The following EPB41L1 variants were observed in gnomAD, a reference collection of about 807,000 sequenced individuals.
The protein encoded by EPB41L1 is erythrocyte membrane protein band 4.1 like 1, also known as band 4.1-like protein 1.
Under a neutral mutation model 97.8 loss-of-function variants are expected in EPB41L1, and 29 were observed. The ratio of observed to expected loss-of-function variants is 0.30; its 90% confidence interval spans 0.22 to 0.40. The LOEUF is 0.40. Ranked by LOEUF, EPB41L1 falls within the 10% of genes least tolerant of loss-of-function variation. The pLI is 1.00. For synonymous variants in EPB41L1, 383 were observed against 459.2 expected (o/e 0.83, Z 2.12); for missense variants, 812 against 1,162.3 (o/e 0.70, Z 4.38).
chr20:36,227,719 C>A (rs1288049743), intron 21 of EPB41L1, among the ~76,000 whole-genome samples: 1 of 152,228 alleles, frequency 6.6e-6, no homozygotes, highest in East Asian at 1.9e-4. Flanking sequence ...CCAGAAACAT[C>A]TGTCCCTGCT....
intron 2 of EPB41L1, among the ~76,000 whole-genome samples, chr20:36,135,314 A>G (rs920147770): frequency 6.6e-6 from 1 of 152,228 alleles, no homozygotes; most frequent in African/African-American, 2.4e-5. Context: ...TTTCCTTCAG[A>G]TCACACAATC....
chr20:36,104,480 C>T (rs1259690427), intron 1 of EPB41L1, among the ~76,000 whole-genome samples: 1 of 152,008 alleles, frequency 6.6e-6, no homozygotes, highest in African/African-American at 2.4e-5. Context: ...CTCATGATGC[C>T]GCCATTGAGA....
At chr20:36,165,745 A>T (rs968941853) in intron 1 of EPB41L1, among the ~76,000 whole-genome samples, 1 of 152,184 alleles carries the variant, frequency 6.6e-6, no homozygotes, top group African/African-American at 2.4e-5. Context: ...AGCTGATCAG[A>T]TCGGAAGTGG....
chr20:36,198,174 A>AGG (rs765485406), intron 14 of EPB41L1, 133 bp downstream of exon 14: 266 of 842,276 alleles, frequency 3.2e-4, no homozygotes, highest in Non-Finnish European at 4.5e-4. Context: ...GGGGATGGAG[A>AGG]GGGTGGTAGA....
chr20:36,207,343 C>T lies in EPB41L1; in HGVS notation c.1669-2145C>T, dbSNP rs894095349. On this transcript the variant is annotated intron_variant, in intron 14 of 21. Coordinates refer to ENST00000338074, the MANE Select transcript of EPB41L1 (RefSeq NM_012156.2). The surrounding 1 kb of genome is among the most constrained non-coding windows in gnomAD (Gnocchi z 4.9). Reference sequence around the variant, plus strand: ...CCCTGAAGAAGCTGAGGGGCGCATACCTCTGGGGTTTGGGTTCCCTTCAGG... The same window carrying T: ...CCCTGAAGAAGCTGAGGGGCGCATATCTCTGGGGTTTGGGTTCCCTTCAGG... 10 of 1,288,178 alleles carry T rather than the reference C, an allele frequency of 7.8e-6. No individual in the cohort carries two copies. The highest frequency in any genetic ancestry group is 7.6e-5 in the African/African-American group (5 of 65,792). 79.8% of individuals were successfully genotyped at this position (1,288,178 alleles called of 1,614,324 possible).
At chr20:36,163,123 C>G (rs992355809) in intron 1 of EPB41L1, among the ~76,000 whole-genome samples, 15 of 139,492 alleles carry the variant, frequency 1.1e-4, no homozygotes, top group African/African-American at 3.6e-4. Flanking sequence ...AATAGGCACT[C>G]TTTCTGTTTT....
At chr20:36,102,549 G>T (rs919286814) in intron 1 of EPB41L1, among the ~76,000 whole-genome samples, 1 of 152,174 alleles carries the variant, frequency 6.6e-6, no homozygotes, top group African/African-American at 2.4e-5. Flanking sequence ...TAAAATGGGG[G>T]TTGGACAGGA....
chr20:36,163,409 T>C (rs1569174437), intron 1 of EPB41L1, among the ~76,000 whole-genome samples: 1 of 152,140 alleles, frequency 6.6e-6, no homozygotes, highest in African/African-American at 2.4e-5. Context: ...CATCATGACT[T>C]TACAGATGAA....
Position 36,092,345 on chromosome 20 carries a change from G to A in EPB41L1, c.-65+733G>A, listed in dbSNP as rs2147426073. On this transcript the variant is annotated intron_variant, in intron 1 of 19. Coordinates refer to the EPB41L1 transcript ENST00000202028. This position sits in a 1 kb window ranked among gnomAD's most constrained non-coding sequence, Gnocchi z 7.0. ...TGGGGTCTGCTCCTCTTCTTCGCCC[G>A]GCCTCTGAGCCCGCCGCAGCTCAGG... 6.6e-6 allele frequency among the ~76,000 whole-genome samples: 1 copy of A among 152,262 alleles called. No individual in the cohort carries two copies. The highest frequency in any genetic ancestry group is 1.9e-4 in the East Asian group (1 of 5,156).
intron 2 of EPB41L1, among the ~76,000 whole-genome samples, chr20:36,119,635 C>A (rs769894122): frequency 8.5e-5 from 5 of 58,756 alleles, no homozygotes; most frequent in Non-Finnish European, 1.6e-4. Flanking sequence ...GGAAGGGAAG[C>A]GGAGGGGAGA....
rs184254107 is a variant in EPB41L1, at chr20:36,143,784, G to A, written c.-10+31304G>A. On this transcript the variant is annotated intron_variant, in intron 2 of 19. Coordinates refer to the EPB41L1 transcript ENST00000202028. ...TGTACATTTTTCTAGGAGAAGCTCTGCAGTTTTCATTGCATTTTCAAAGGA... is the reference window on the plus strand; with the variant it reads ...TGTACATTTTTCTAGGAGAAGCTCTACAGTTTTCATTGCATTTTCAAAGGA... Among the ~76,000 whole-genome samples the A allele has an allele frequency of 3.5e-4, 54 of 152,250 alleles. No individual in the cohort carries two copies. The Middle Eastern group carries it at 0.01, about 29-fold the overall frequency.
At chr20:36,119,788 C>T (rs1424850994) in intron 2 of EPB41L1, among the ~76,000 whole-genome samples, 1 of 152,058 alleles carries the variant, frequency 6.6e-6, no homozygotes, top group Admixed American at 6.6e-5. Context: ...TTCAGAAGAA[C>T]AGGAGGAGTC....
chr20:36,132,734 G>C (rs1202434096), intron 2 of EPB41L1, among the ~76,000 whole-genome samples: 1 of 151,518 alleles, frequency 6.6e-6, no homozygotes, highest in East Asian at 1.9e-4. Flanking sequence ...GGGTATGAGA[G>C]ATTCTGTATG....
At chr20:36,174,709 C>A (rs932697421) in intron 2 of EPB41L1, among the ~76,000 whole-genome samples, 3 of 152,126 alleles carry the variant, frequency 2.0e-5, no homozygotes, top group Non-Finnish European at 4.4e-5. Context: ...AGCCACCATG[C>A]TTGGCCCATT....
intron 2 of EPB41L1, among the ~76,000 whole-genome samples, chr20:36,130,264 T>A (rs987746761): frequency 6.6e-6 from 1 of 151,840 alleles, no homozygotes; most frequent in East Asian, 1.9e-4. Flanking sequence ...TTGTTTTTTT[T>A]AATTAAAACC....
At position 36,215,036 on chromosome 20, in the gene EPB41L1, A is replaced by G. The variant is rs374353384; in HGVS notation, c.2268+596A>G. Among the ~76,000 whole-genome samples, 24 of 150,422 alleles carry G rather than the reference A, an allele frequency of 1.6e-4. No homozygotes were observed. The East Asian group carries it at 4.1e-3, about 26-fold the overall frequency. On this transcript the variant is annotated intron_variant, in intron 17 of 21. Coordinates refer to ENST00000338074, the MANE Select transcript of EPB41L1 (RefSeq NM_012156.2). ...AATAATCCCCATTCTGCAGTTCTTA[A>G]GAGACCCCGGCAACACTAGATCCCT...
chr20:36,206,298 GC>G lies in EPB41L1; in HGVS notation c.1669-3188del, dbSNP rs1288374852. On this transcript the variant is annotated intron_variant, in intron 14 of 21. Transcript: ENST00000338074. This position sits in a 1 kb window ranked among gnomAD's most constrained non-coding sequence, Gnocchi z 5.5. ...CAGAGCTGAGGAAGGGGCTGGAGGAGCCTCACACTTGTGGGAGACCCACTGC... is the reference window on the plus strand; with the variant it reads ...CAGAGCTGAGGAAGGGGCTGGAGGAGCTCACACTTGTGGGAGACCCACTGC... 1 of 1,289,936 alleles carries G rather than the reference GC, an allele frequency of 7.8e-7. No homozygotes were observed. Among genetic ancestry groups the G allele is most frequent in the East Asian group, 5.5e-5 (1 of 18,020 alleles). 79.9% of individuals were successfully genotyped at this position (1,289,936 alleles called of 1,614,324 possible). A position where few individuals can be genotyped will look rare whatever the true frequency, so the allele number is the denominator to read the frequency against.
rs943588233 is a variant in EPB41L1 at position 36,206,635 on chromosome 20, G to A, written c.1669-2853G>A. 2.6e-5 allele frequency: 34 copies of A among 1,289,676 alleles called. No individual in the cohort carries two copies. The highest frequency in any genetic ancestry group is 2.1e-4 in the Middle Eastern group (1 of 4,718). The allele number at this position is 1,289,676 out of a possible 1,614,324, so 79.9% of individuals were successfully genotyped here. On this transcript the variant is annotated intron_variant, in intron 14 of 21. Transcript: ENST00000338074. This position sits in a 1 kb window ranked among gnomAD's most constrained non-coding sequence, Gnocchi z 5.5. ...TGCTGCTTCCAGCAGGAGCAAGGACGAAGCCCACATGACTTCCCCAAAGGA... is the reference window on the plus strand; with the variant it reads ...TGCTGCTTCCAGCAGGAGCAAGGACAAAGCCCACATGACTTCCCCAAAGGA...
intron 1 of EPB41L1, 27 bp from the exon 2 acceptor site, chr20:36,173,737 C>T: frequency 6.2e-7 from 1 of 1,609,308 alleles, no homozygotes; most frequent in Non-Finnish European, 8.5e-7. Context: ...CCCTCCCTGT[C>T]ACATGATCTC....
Sources: allele counts gnomAD v4.1 joint callset (sites outside exome capture counted in the v4.1 genomes callset), GRCh38; gene constraint gnomAD v4.1.1; non-coding constraint Gnocchi (gnomAD v3.1); transcripts MANE v1.5; gene names NCBI Gene and HGNC (gene_info 2026-07-23, HGNC 2026-07-21).